RAB5C: variants seen among roughly 807,000 people sequenced by gnomAD.
The protein encoded by RAB5C is RAB5C, member RAS oncogene family.
RAB5C carries 4 observed loss-of-function variants against 25.2 expected under a neutral mutation model. The ratio of observed to expected loss-of-function variants is 0.16; its 90% CI spans 0.08 to 0.36. RAB5C has a LOEUF of 0.36. Among genes scored for constraint, RAB5C ranks in the 10% least tolerant of loss-of-function variants. RAB5C has a pLI of 1.00. For missense variants in RAB5C, 199 were observed against 283.8 expected, an observed-to-expected ratio of 0.70 and a Z score of 2.15; for synonymous variants, 100 against 106.4, an observed-to-expected ratio of 0.94 and a Z score of 0.37.
At chr17:42,129,759 G>A (rs2054466319) in intron 2 of RAB5C, among the ~76,000 whole-genome samples, 1 of 152,218 alleles carries the variant, frequency 6.6e-6, no homozygotes, top group African/African-American at 2.4e-5. Context: ...ATGACTCAAG[G>A]CCAAGGCCAG....
Position 42,126,710 on chromosome 17 carries a change from T to C in RAB5C, c.535+45A>G, listed in dbSNP as rs780023642. The C allele has an allele frequency of 3.9e-6, 5 of 1,270,092 alleles. No homozygotes were observed. The Admixed American group carries it at 8.6e-5, about 22-fold the overall frequency. The allele number at this position is 1,270,092 out of a possible 1,614,324, so 78.7% of individuals were successfully genotyped here. On this transcript the variant is annotated intron_variant, in intron 5 of 5. Coordinates refer to ENST00000346213, the MANE Select transcript of RAB5C (RefSeq NM_004583.4). ...ACTCTAGACCAGCAGACAGGTGATA[T>C]GCCCTTGCTGTGGTGGAGAGAGGAG...
chr17:42,128,554 A>G, intron 3 of RAB5C, 95 bp downstream of exon 3: 2 of 673,290 alleles, frequency 3.0e-6, no homozygotes, highest in Non-Finnish European at 4.3e-6. Context: ...CCAGGAACAG[A>G]GGGTTAAGCG....
chr17:42,131,799 T>C (rs971671043), intron 1 of RAB5C: 4 of 563,806 alleles, frequency 7.1e-6, no homozygotes, highest in African/African-American at 3.8e-5. Flanking sequence ...TGCAGACACA[T>C]GAGGAGCCTA....
chr17:42,144,905 G>A (rs61653336), intron 1 of RAB5C, among the ~76,000 whole-genome samples: 27,670 of 97,990 alleles, frequency 0.28, 5,096 homozygotes, highest in African/African-American at 0.56. Flanking sequence ...CAGCCTGGGC[G>A]ACAGAGCCAG....
chr17:42,145,242 T>A (rs560239130), intron 1 of RAB5C, among the ~76,000 whole-genome samples: 2 of 152,222 alleles, frequency 1.3e-5, no homozygotes, highest in South Asian at 4.2e-4. Flanking sequence ...AAGGGGAACA[T>A]GAACATAAGT....
chr17:42,128,134 AG>A, intron 4 of RAB5C, 126 bp downstream of exon 4: 1 of 1,357,268 alleles, frequency 7.4e-7, no homozygotes, highest in Non-Finnish European at 9.9e-7. Flanking sequence ...GAGGCACGAG[AG>A]GACAGCAGAT....
chr17:42,126,410 A>C, intron 5 of RAB5C: 1 of 178,832 alleles, frequency 5.6e-6, no homozygotes, highest in South Asian at 1.2e-4. Flanking sequence ...AGGCGGGTGG[A>C]TCACGAGGTC....
intron 1 of RAB5C, among the ~76,000 whole-genome samples, chr17:42,147,763 C>A (rs1211987609): frequency 6.6e-6 from 1 of 152,136 alleles, no homozygotes; most frequent in South Asian, 2.1e-4. Context: ...TTCACGACAT[C>A]CAAAGTGTGT....
At chr17:42,140,507 ATATATATATTTTTTTTTTTTTT>A (rs1236774405) in intron 1 of RAB5C, among the ~76,000 whole-genome samples, 1 of 40,800 alleles carries the variant, frequency 2.5e-5, no homozygotes, top group East Asian at 4.5e-4. Flanking sequence ...ATATATATAT[ATATATATATTTTTTTTTTTTTT>A]TTTTTTTTTT....
rs562964784 is a variant in RAB5C at position 42,131,059 on chromosome 17, C to G, written c.-88-469G>C. Reference sequence around the variant, plus strand: ...GGTAGCCAGGACCACAGTGGTGAGGCAGACAGGGGCCCAAGAGGTCCTGGT... The same window carrying G: ...GGTAGCCAGGACCACAGTGGTGAGGGAGACAGGGGCCCAAGAGGTCCTGGT... On this transcript the variant is annotated intron_variant, in intron 1 of 5. Transcript: ENST00000346213. 5.9e-5 allele frequency among the ~76,000 whole-genome samples: 9 copies of G among 152,322 alleles called. No individual in the cohort carries two copies. The South Asian group carries it at 1.9e-3, about 32-fold the overall frequency.
intron 1 of RAB5C, among the ~76,000 whole-genome samples, chr17:42,150,878 A>G (rs982946091): frequency 1.3e-5 from 2 of 151,964 alleles, no homozygotes; most frequent in African/African-American, 4.8e-5. Context: ...TCAAACCCCT[A>G]CCTACCCATC....
chr17:42,129,310 C>G (rs1391552221), intron 2 of RAB5C, among the ~76,000 whole-genome samples: 2 of 152,150 alleles, frequency 1.3e-5, no homozygotes, highest in African/African-American at 4.8e-5. Flanking sequence ...ACTGTTCCAC[C>G]ACCAGGCTGA....
chr17:42,146,509 C>T (rs2079635838), intron 1 of RAB5C, among the ~76,000 whole-genome samples: 1 of 152,176 alleles, frequency 6.6e-6, no homozygotes, highest in South Asian at 2.1e-4. Flanking sequence ...CCAGCACTTT[C>T]AGAGGCCAAG....
At chr17:42,140,381 A>G (rs2054580173) in intron 1 of RAB5C, among the ~76,000 whole-genome samples, 1 of 151,482 alleles carries the variant, frequency 6.6e-6, no homozygotes, top group African/African-American at 2.4e-5. Flanking sequence ...CACCGTGGTC[A>G]GCGGCTATGC....
rs781866545 is a variant in RAB5C, at chr17:42,125,814, G to A, written c.620C>T (p.Pro207Leu). 1 of 1,609,732 alleles carries A rather than the reference G, an allele frequency of 6.2e-7. No homozygotes were observed. Among genetic ancestry groups the A allele is most frequent in the Non-Finnish European group, 8.5e-7 (1 of 1,178,360 alleles). Reference sequence around the variant, plus strand: ...GCTGCAGCACTGGCTCCGGCTGGCTGGGTTGTTCTCCTGGAGGTCCACACC... The same window carrying A: ...GCTGCAGCACTGGCTCCGGCTGGCTAGGTTGTTCTCCTGGAGGTCCACACC... The part of the protein sequence containing the change: ...NRGVDLQENN[P>L]ASRSQCCSN The change falls in exon 6 of 6, where the codon CCA becomes CTA. Residue 207 changes from proline (P) to leucine (L), a missense_variant. Pro to Leu is a moderately conservative substitution (Grantham distance 98). Transcript: ENST00000346213.
chr17:42,125,779 G>A lies in RAB5C; in HGVS notation c.*4C>T. 1 of 1,594,458 alleles carries A rather than the reference G, an allele frequency of 6.3e-7. No homozygotes were observed. On this transcript the variant is annotated 3_prime_UTR_variant, in exon 6 of 6. Transcript: ENST00000346213. ...GGCGGGGGCAGCGGGCAGGCAAGGG[G>A]GGCTCAGTTGCTGCAGCACTGGCTC... is the stretch of plus-strand genomic sequence containing the variant.
chr17:42,153,637 T>C (rs551892815), intron 1 of RAB5C, among the ~76,000 whole-genome samples: 1 of 152,250 alleles, frequency 6.6e-6, no homozygotes. Context: ...CTTCCTCCAC[T>C]GTAGATAGCA....
At chr17:42,145,712 C>T (rs1048301829) in intron 1 of RAB5C, among the ~76,000 whole-genome samples, 1 of 152,210 alleles carries the variant, frequency 6.6e-6, no homozygotes, top group Non-Finnish European at 1.5e-5. Context: ...GCCGAGATTG[C>T]ACCACTGCAC....
intron 1 of RAB5C, among the ~76,000 whole-genome samples, chr17:42,142,426 G>C (rs2079608855): frequency 1.3e-5 from 2 of 152,216 alleles, no homozygotes; most frequent in African/African-American, 4.8e-5. Context: ...GAGAGGGCTA[G>C]GGGACAGGAA....
Sources: gnomAD v4.1 joint callset for allele counts (sites outside exome capture counted in the v4.1 genomes callset) on GRCh38, gnomAD v4.1.1 for gene constraint, MANE v1.5 for transcripts, NCBI Gene and HGNC (gene_info 2026-07-23, HGNC 2026-07-21) for gene names.